Variants in CD36 observed in about 807,000 individuals in gnomAD.
CD36 encodes the protein platelet glycoprotein 4.
CD36 carries 119 observed loss-of-function variants against 55.2 expected under a neutral mutation model. The ratio of observed to expected loss-of-function variants is 2.15; its 90% CI spans 1.86 to 2.51. The LOEUF (loss-of-function observed/expected upper bound fraction) is 2.51, where lower values mean the gene tolerates loss of function less well. CD36 is among the 30% of genes most tolerant of loss of function. The probability of loss-of-function intolerance (pLI) is 0.00; values close to 1 mark genes in which losing one functional copy is unlikely to be tolerated. For missense variants in CD36, 819 were observed against 555.5 expected (o/e 1.47, Z -4.77); for synonymous variants, 186 against 193.6 (o/e 0.96, Z 0.33).
Position 80,656,620 on chromosome 7 carries a change from C to T in CD36, c.201C>T (p.Ile67=), listed in dbSNP as rs1317218249. 2 of 1,613,712 alleles carry T rather than the reference C, an allele frequency of 1.2e-6. No homozygotes were observed. Among genetic ancestry groups the T allele is most frequent in the East Asian group, 2.2e-5 (1 of 44,808 alleles). ...CAGAAGTTTACAGACAGTTTTGGAT[C>T]TTTGATGTGCAAAATCCACAGGAAG... ...TGTEVYRQFW[I]FDVQNPQEVM... is the part of the protein sequence containing the mutation. Residue 67 remains isoleucine (I), a synonymous_variant, in exon 4 of 15, where the codon ATC becomes ATT. Transcript: ENST00000447544.
chr7:80,647,766 G>C (rs1795282604), intron 3 of CD36, among the ~76,000 whole-genome samples: 1 of 152,128 alleles, frequency 6.6e-6, no homozygotes, highest in Admixed American at 6.6e-5. Context: ...GAACTAGACT[G>C]TGTGTTTACT....
chr7:80,606,720 A>G (rs1348217990), intron 1 of CD36, among the ~76,000 whole-genome samples: 1 of 152,166 alleles, frequency 6.6e-6, no homozygotes, highest in Non-Finnish European at 1.5e-5. Flanking sequence ...CCTCCAGGAA[A>G]GGGTTGTGAT....
intron 1 of CD36, among the ~76,000 whole-genome samples, chr7:80,613,233 G>A (rs1321913953): frequency 1.3e-5 from 2 of 151,990 alleles, no homozygotes; most frequent in Admixed American, 1.3e-4. Flanking sequence ...TTAAACATGA[G>A]CTGCATGATA....
upstream of CD36, among the ~76,000 whole-genome samples, chr7:80,634,931 G>C (rs1307219091): frequency 1.3e-5 from 2 of 151,398 alleles, no homozygotes; most frequent in African/African-American, 4.9e-5. Context: ...AAACAGAAAA[G>C]TAAAAATTGT....
intron 1 of CD36, among the ~76,000 whole-genome samples, chr7:80,602,646 A>G (rs190149122): frequency 1.3e-5 from 2 of 152,068 alleles, no homozygotes; most frequent in Non-Finnish European, 2.9e-5. Flanking sequence ...TGCCTAGTTC[A>G]TGTCTTTTAC....
Position 80,676,615 on chromosome 7 carries a change from A to G in CD36, c.*232A>G, listed in dbSNP as rs769076604. 1.3e-5 allele frequency: 2 copies of G among 152,212 alleles called. No homozygotes were observed. The highest frequency in any genetic ancestry group is 2.9e-5 in the Non-Finnish European group (2 of 68,046). 9.4% of individuals were successfully genotyped at this position (152,212 alleles called of 1,614,324 possible). A position where few individuals can be genotyped will look rare whatever the true frequency, so the allele number is the denominator to read the frequency against. On this transcript the variant is annotated 3_prime_UTR_variant, in exon 15 of 15. Coordinates refer to ENST00000447544, the MANE Select transcript of CD36 (RefSeq NM_001001548.3). ...GCACCAAATATTTTGAAAGACATTT[A>G]TAAATAATTGGCTTATGACTCATAT...
upstream of CD36, among the ~76,000 whole-genome samples, chr7:80,638,303 C>T (rs1331364807): frequency 4.6e-5 from 7 of 151,520 alleles, no homozygotes; most frequent in South Asian, 4.2e-4. Flanking sequence ...TTTCCACCAG[C>T]GGTCTCAGTT....
At chr7:80,653,574 A>G (rs1795790444) in intron 3 of CD36, among the ~76,000 whole-genome samples, 1 of 152,198 alleles carries the variant, frequency 6.6e-6, no homozygotes, top group Non-Finnish European at 1.5e-5. Context: ...AGTCAGGGAC[A>G]AATACACACA....
At chr7:80,603,254 CTTCT>C (rs1197552965) in intron 1 of CD36, among the ~76,000 whole-genome samples, 14 of 152,130 alleles carry the variant, frequency 9.2e-5, no homozygotes, top group Admixed American at 1.3e-4. Context: ...AAAGCAGTTC[CTTCT>C]GTTTCTCCAT....
chr7:80,625,972 G>T (rs767420780), intron 1 of CD36, among the ~76,000 whole-genome samples: 4 of 152,070 alleles, frequency 2.6e-5, no homozygotes, highest in Non-Finnish European at 5.9e-5. Context: ...AATTAAATGA[G>T]TATCAATACA....
chr7:80,672,764 T>TTTTAGATAACTGGATTCAC lies in CD36; in HGVS notation c.1126-1_1143dup. On this transcript the variant is annotated splice_region_variant and splice_polypyrimidine_tract_variant and intron_variant, in intron 11 of 14. Coordinates refer to ENST00000447544, the MANE Select transcript of CD36 (RefSeq NM_001001548.3). Reference sequence around the variant, plus strand: ...GTTGGTAATTATTTAGTTGTTCTCTTTTTAGATAACTGGATTCACTTTACA... The same window carrying TTTTAGATAACTGGATTCAC: ...GTTGGTAATTATTTAGTTGTTCTCTTTTTAGATAACTGGATTCACTTTAGATAACTGGATTCACTTTACA... 2 of 1,596,628 alleles carry TTTTAGATAACTGGATTCAC rather than the reference T, an allele frequency of 1.3e-6. No individual in the cohort carries two copies. The highest frequency in any genetic ancestry group is 1.7e-6 in the Non-Finnish European group (2 of 1,165,806).
At chr7:80,636,135 T>C (rs1953298), upstream of CD36, among the ~76,000 whole-genome samples, 68,601 of 151,800 alleles carry the variant, frequency 0.45, 16,797 homozygotes, top group Non-Finnish European at 0.55. Flanking sequence ...ATTTCTTCGA[T>C]GGTGATAAGT....
intron 4 of CD36, among the ~76,000 whole-genome samples, chr7:80,659,144 C>T (rs941650712): frequency 6.6e-6 from 1 of 152,082 alleles, no homozygotes; most frequent in African/African-American, 2.4e-5. Flanking sequence ...AATGGAAAAA[C>T]AACCAGTACC....
chr7:80,635,672 C>G (rs1347210437), upstream of CD36, among the ~76,000 whole-genome samples: 1 of 152,104 alleles, frequency 6.6e-6, no homozygotes, highest in Non-Finnish European at 1.5e-5. Flanking sequence ...GGAGATATTT[C>G]TACCATGTTT....
intron 4 of CD36, among the ~76,000 whole-genome samples, chr7:80,657,602 T>G (rs186932836): frequency 2.5e-4 from 38 of 152,280 alleles, no homozygotes; most frequent in Admixed American, 8.5e-4. Flanking sequence ...TAGGTACTGG[T>G]AGCTCCTAGA....
chr7:80,634,355 G>C (rs1463090637), upstream of CD36, among the ~76,000 whole-genome samples: 1 of 151,846 alleles, frequency 6.6e-6, no homozygotes, highest in Non-Finnish European at 1.5e-5. Context: ...ATACTAAAAT[G>C]CTTCTTTTCA....
intron 1 of CD36, 22 bp from the exon 2 acceptor site, chr7:80,646,066 C>T (rs947322628): frequency 2.0e-5 from 3 of 152,256 alleles, no homozygotes; most frequent in African/African-American, 4.8e-5. Flanking sequence ...TCTATTTACC[C>T]ATGCTTTTCT....
chr7:80,673,899 AG>A (rs1797982849), intron 13 of CD36, 83 bp from the exon 14 acceptor site: 1 of 989,844 alleles, frequency 1.0e-6, no homozygotes, highest in Non-Finnish European at 1.6e-6. Flanking sequence ...TAGAGGTGTT[AG>A]AAAAAAGGGT....
At chr7:80,672,142 A>G in intron 11 of CD36, 102 bp downstream of exon 11, 1 of 963,284 alleles carries the variant, frequency 1.0e-6, no homozygotes, top group African/African-American at 1.6e-5. Context: ...AAATAATCAT[A>G]TTTATTGAAT....
Sources: gnomAD v4.1 joint callset for allele counts (sites outside exome capture counted in the v4.1 genomes callset) on GRCh38, gnomAD v4.1.1 for gene constraint, MANE v1.5 for transcripts, NCBI Gene and HGNC (gene_info 2026-07-23, HGNC 2026-07-21) for gene names.